LILRB1: variants seen among roughly 807,000 people sequenced by gnomAD.
LILRB1 encodes the protein leukocyte immunoglobulin-like receptor subfamily B member 1.
LILRB1 carries 59 observed loss-of-function variants against 74.6 expected under a neutral mutation model. That is an observed-to-expected ratio of 0.79 (90% CI 0.64 to 0.98). LILRB1 has a LOEUF of 0.98. Ranked by LOEUF, LILRB1 falls within the 50% of genes least tolerant of loss-of-function variation. The pLI is 0.00. For missense variants in LILRB1, 804 were observed against 822.6 expected (o/e 0.98, Z 0.28); for synonymous variants, 328 against 333.9 (o/e 0.98, Z 0.19).
chr19:54,624,254 G>GCCCTGAAAT, intron 1 of LILRB1, among the ~76,000 whole-genome samples: 2 of 152,222 alleles, frequency 1.3e-5, no homozygotes, highest in East Asian at 3.9e-4. Flanking sequence ...GTCTCTGCGG[G>GCCCTGAAAT]GGGTGAAGGA....
intron 8 of LILRB1, 139 bp downstream of exon 8, chr19:54,633,827 G>A: frequency 2.1e-6 from 3 of 1,439,776 alleles, no homozygotes; most frequent in South Asian, 2.7e-5. Context: ...GGGGCCACAG[G>A]GTCCCCAGGG....
intron 1 of LILRB1, among the ~76,000 whole-genome samples, chr19:54,619,679 A>G (rs2063402941): frequency 6.6e-6 from 1 of 152,128 alleles, no homozygotes; most frequent in Non-Finnish European, 1.5e-5. Flanking sequence ...TAAAAACAGA[A>G]AAATGAAATA....
intron 1 of LILRB1, among the ~76,000 whole-genome samples, chr19:54,619,710 T>A (rs1318770201): frequency 1.3e-5 from 2 of 152,084 alleles, no homozygotes; most frequent in African/African-American, 2.4e-5. Flanking sequence ...CTGCTTTTTT[T>A]CTTCTGTATG....
At position 54,636,957 on chromosome 19, in the gene LILRB1, C is replaced by T; in HGVS notation, c.*79C>T. The T allele has an allele frequency of 6.4e-7, 1 of 1,566,396 alleles. No homozygotes were observed. The highest frequency in any genetic ancestry group is 8.7e-7 in the Non-Finnish European group (1 of 1,145,548). On this transcript the variant is annotated 3_prime_UTR_variant, in exon 15 of 15. Transcript: ENST00000324602. ...TGCCCCCCCAGTGGACACCATTGGA[C>T]CCCACCCAGCCTGGATCTACCCCAG...
Position 54,633,161 on chromosome 19 carries a change from T to C in LILRB1, c.1104T>C (p.Arg368=). The C allele has an allele frequency of 6.2e-7, 1 of 1,614,194 alleles. No individual in the cohort carries two copies. The highest frequency in any genetic ancestry group is 8.5e-7 in the Non-Finnish European group (1 of 1,180,012). The change falls in exon 7 of 15, where the codon CGT becomes CGC. Residue 368 remains arginine, a synonymous_variant. Coordinates refer to ENST00000324602, the MANE Select transcript of LILRB1 (RefSeq NM_001081637.3). ...TKEGAADDPW[R]LRSTYQSQKY... ...AGGGGGCAGCTGATGACCCATGGCG[T>C]CTAAGATCAACGTACCAATCTCAAA...
chr19:54,637,679 C>A lies in LILRB1; in HGVS notation c.*801C>A, dbSNP rs899671650. On this transcript the variant is annotated 3_prime_UTR_variant, in exon 15 of 15. Coordinates refer to ENST00000324602, the MANE Select transcript of LILRB1 (RefSeq NM_001081637.3). ...ACCAAAGCTTGAAAATTCAACAAAG[C>A]CAGTGAAGCTCATTCTTGAAAACAT... is the stretch of plus-strand genomic sequence containing the variant. 2.6e-5 allele frequency among the ~76,000 whole-genome samples: 4 copies of A among 151,974 alleles called. No individual in the cohort carries two copies. Among genetic ancestry groups the A allele is most frequent in the Non-Finnish European group, 1.5e-5 (1 of 68,006 alleles).
rs1229369279 is a variant in LILRB1 at position 54,630,641 on chromosome 19, C to G, written c.-49+8C>G. The G allele has an allele frequency of 4.4e-6, 4 of 902,854 alleles. No individual in the cohort carries two copies. The highest frequency in any genetic ancestry group is 2.0e-5 in the Admixed American group (1 of 51,220). 55.9% of individuals were successfully genotyped at this position (902,854 alleles called of 1,614,324 possible). Reference sequence around the variant, plus strand: ...GGAGGGACGACTGCCATGGTAAGGACCCCACAACACTGAGCTGATGGACGG... The same window carrying G: ...GGAGGGACGACTGCCATGGTAAGGAGCCCACAACACTGAGCTGATGGACGG... On this transcript the variant is annotated splice_region_variant and intron_variant, in intron 1 of 14. Coordinates refer to ENST00000324602, the MANE Select transcript of LILRB1 (RefSeq NM_001081637.3).
At chr19:54,617,961 G>C (rs889416048) in intron 1 of LILRB1, among the ~76,000 whole-genome samples, 1 of 151,686 alleles carries the variant, frequency 6.6e-6, no homozygotes, top group Non-Finnish European at 1.5e-5. Flanking sequence ...ACTTAGCCAG[G>C]CAGTAGTGGC....
chr19:54,627,995 C>T (rs1195598740), upstream of LILRB1, among the ~76,000 whole-genome samples: 3 of 152,206 alleles, frequency 2.0e-5, no homozygotes, highest in East Asian at 1.9e-4. Flanking sequence ...TTCGAGAGTA[C>T]ACAAAACAAA....
intron 1 of LILRB1, among the ~76,000 whole-genome samples, chr19:54,624,428 G>A (rs911010212): frequency 1.8e-4 from 27 of 152,102 alleles, no homozygotes; most frequent in African/African-American, 6.5e-4. Flanking sequence ...CTCTCTGCAG[G>A]CGTGGTTCCA....
intron 9 of LILRB1, 107 bp from the exon 10 acceptor site, chr19:54,634,534 T>C: frequency 6.6e-7 from 1 of 1,522,328 alleles, no homozygotes; most frequent in South Asian, 1.2e-5. Context: ...GCTGCACGAC[T>C]GTTGTGGGGG....
upstream of LILRB1, among the ~76,000 whole-genome samples, chr19:54,627,278 C>A (rs1411570838): frequency 2.0e-5 from 3 of 152,170 alleles, no homozygotes; most frequent in Non-Finnish European, 2.9e-5. Context: ...GAGGTAGAAA[C>A]AAGCCCTCCC....
At chr19:54,628,849 T>C (rs1372299746), upstream of LILRB1, among the ~76,000 whole-genome samples, 1 of 151,914 alleles carries the variant, frequency 6.6e-6, no homozygotes, top group Admixed American at 6.6e-5. Context: ...CTTGGGCAGG[T>C]GAAGGAAGGG....
Position 54,631,838 on chromosome 19 carries a change from G to A in LILRB1, c.358+51G>A, listed in dbSNP as rs752932222. 3.7e-5 allele frequency: 60 copies of A among 1,607,248 alleles called. No individual in the cohort carries two copies. The South Asian group carries it at 6.2e-4, about 17-fold the overall frequency. On this transcript the variant is annotated intron_variant, in intron 4 of 14. Coordinates refer to ENST00000324602, the MANE Select transcript of LILRB1 (RefSeq NM_001081637.3). ...CCCCAGACTCTGCCCTCAGGAAGGG[G>A]GACGGCTCTCAGGGGCTTCTCCCTC...
chr19:54,617,553 C>CTGTGTGTGTGTGTGTGTGTG (rs55635122), intron 1 of LILRB1, among the ~76,000 whole-genome samples: 1 of 143,304 alleles, frequency 7.0e-6, no homozygotes, highest in South Asian at 2.3e-4. Flanking sequence ...TACAGGATGT[C>CTGTGTGTGTGTGTGTGTGTG]TGTGTGTGTG....
chr19:54,618,254 A>G (rs1288947072), intron 1 of LILRB1, among the ~76,000 whole-genome samples: 1 of 152,168 alleles, frequency 6.6e-6, no homozygotes, highest in Admixed American at 6.5e-5. Context: ...ATAATGTTTC[A>G]CTACTAAAAA....
chr19:54,632,381 A>C, intron 5 of LILRB1, 83 bp from the exon 6 acceptor site: 1 of 1,549,622 alleles, frequency 6.5e-7, no homozygotes, highest in Non-Finnish European at 8.7e-7. Flanking sequence ...GAAGATCAGC[A>C]GTGATGTGGC....
chr19:54,631,407 G>C, intron 3 of LILRB1, 93 bp from the exon 4 acceptor site: 1 of 1,611,576 alleles, frequency 6.2e-7, no homozygotes, highest in Non-Finnish European at 8.5e-7. Context: ...TGGGCTGACT[G>C]ATGGGGGCGT....
intron 1 of LILRB1, among the ~76,000 whole-genome samples, chr19:54,623,863 G>T (rs1200345089): frequency 6.6e-6 from 1 of 152,140 alleles, no homozygotes; most frequent in East Asian, 1.9e-4. Flanking sequence ...CCCCGGCCCC[G>T]CAGGGAGGGT....
Sources: allele counts gnomAD v4.1 joint callset (sites outside exome capture counted in the v4.1 genomes callset), GRCh38; gene constraint gnomAD v4.1.1; transcripts MANE v1.5; gene names NCBI Gene and HGNC (gene_info 2026-07-23, HGNC 2026-07-21).